Variants in FIBP observed in about 807,000 individuals in gnomAD.
The protein encoded by FIBP is acidic fibroblast growth factor intracellular-binding protein.
In FIBP, 29 loss-of-function variants were observed where a neutral mutation model predicts 40.5. That is an observed-to-expected ratio of 0.72 (90% CI 0.53 to 0.98). The LOEUF is 0.98. FIBP is among the 50% of genes least tolerant of loss of function. The pLI is 0.00. For missense variants in FIBP, 411 were observed against 470.2 expected (o/e 0.87, Z 1.16); for synonymous variants, 215 against 191.1 (o/e 1.13, Z -1.03).
At chr11:65,888,268 C>T (rs1860297945) in intron 1 of FIBP, 66 bp downstream of exon 1, 24 of 1,501,264 alleles carry the variant, frequency 1.6e-5, no homozygotes, top group Non-Finnish European at 2.2e-5. Context: ...AAGTCTTAGC[C>T]CCGCCCCCTC....
intron 4 of FIBP, chr11:65,886,083 C>T: frequency 2.1e-6 from 1 of 483,990 alleles, no homozygotes; most frequent in South Asian, 2.6e-5. Context: ...GGCAGAATTG[C>T]TTGAACCAGG....
intron 5 of FIBP, 34 bp from the exon 6 acceptor site, chr11:65,885,220 TA>T: frequency 9.5e-7 from 1 of 1,050,754 alleles, no homozygotes; most frequent in Non-Finnish European, 1.5e-6. Context: ...GGGTGGGTGA[TA>T]AAAACCCCTC....
At chr11:65,888,179 G>T in intron 1 of FIBP, 47 bp from the exon 2 acceptor site, 1 of 1,517,592 alleles carries the variant, frequency 6.6e-7, no homozygotes, top group South Asian at 1.2e-5. Context: ...CGACGCCAGA[G>T]GCCCTTAAGG....
chr11:65,886,981 C>T (rs1031110773), intron 3 of FIBP: 1 of 174,184 alleles, frequency 5.7e-6, no homozygotes, highest in African/African-American at 2.4e-5. Flanking sequence ...GAAATGTAAG[C>T]CTAGAGAGGT....
chr11:65,887,412 C>G, intron 3 of FIBP, 188 bp downstream of exon 3: 1 of 663,450 alleles, frequency 1.5e-6, no homozygotes, highest in Non-Finnish European at 2.6e-6. Context: ...CGCCACTGCA[C>G]TCCAGCTTGG....
intron 5 of FIBP, 21 bp from the exon 6 acceptor site, chr11:65,885,207 T>TGGGGG: frequency 1.0e-5 from 3 of 290,954 alleles, no homozygotes; most frequent in Non-Finnish European, 2.0e-5. Context: ...ATGAAGGGGG[T>TGGGGG]GGGGGTGGGT....
chr11:65,885,004 G>T lies in FIBP; in HGVS notation c.756-6C>A, dbSNP rs1860196297. On this transcript the variant is annotated splice_region_variant and splice_polypyrimidine_tract_variant and intron_variant, in intron 6 of 9. Coordinates refer to ENST00000357519, the MANE Select transcript of FIBP (RefSeq NM_004214.5). ...GGAGAGCAGTGCACACCAGGCTGCA[G>T]AGAGACAGGGTCACGCCTATAGCCA... 6.2e-7 allele frequency: 1 copy of T among 1,614,174 alleles called. No homozygotes were observed. The highest frequency in any genetic ancestry group is 8.5e-7 in the Non-Finnish European group (1 of 1,180,020).
intron 4 of FIBP, chr11:65,885,930 A>G (rs1001548379): frequency 1.0e-5 from 5 of 478,998 alleles, no homozygotes; most frequent in East Asian, 6.9e-5. Flanking sequence ...GGGCTGTGCC[A>G]TGGGCTTTAC....
At position 65,884,494 on chromosome 11, in the gene FIBP, G is replaced by A. The variant is rs548208317; in HGVS notation, c.907-5C>T. The A allele has an allele frequency of 9.3e-6, 15 of 1,614,120 alleles. No homozygotes were observed. The highest frequency in any genetic ancestry group is 2.7e-5 in the African/African-American group (2 of 75,030). Reference sequence around the variant, plus strand: ...GGAGCGGCAGGGTTCCACAAACTGCGGGCCCAAGAGAATACTTAGCACTTG... The same window carrying A: ...GGAGCGGCAGGGTTCCACAAACTGCAGGCCCAAGAGAATACTTAGCACTTG... On this transcript the variant is annotated splice_region_variant and splice_polypyrimidine_tract_variant and intron_variant, in intron 8 of 9. Coordinates refer to ENST00000357519, the MANE Select transcript of FIBP (RefSeq NM_004214.5).
rs537729979 is a variant in FIBP at position 65,885,763 on chromosome 11, C to G, written c.513-100G>C. ...GCTGGGTGTCCGAGTTCTGGCCTCT[C>G]TCTGCCTCAAGTCACTGTGTGACGT... is the stretch of plus-strand genomic sequence containing the variant. On this transcript the variant is annotated intron_variant, in intron 4 of 9. Coordinates refer to ENST00000357519, the MANE Select transcript of FIBP (RefSeq NM_004214.5). The G allele has an allele frequency of 1.0e-5, 12 of 1,201,500 alleles. No individual in the cohort carries two copies. The East Asian group carries it at 2.3e-4, about 23-fold the overall frequency. The allele number at this position is 1,201,500 out of a possible 1,614,324, so 74.4% of individuals were successfully genotyped here.
chr11:65,884,034 G>A lies in FIBP; in HGVS notation c.1014C>T (p.Ala338=). 1 of 1,613,606 alleles carries A rather than the reference G, an allele frequency of 6.2e-7. No homozygotes were observed. Among genetic ancestry groups the A allele is most frequent in the East Asian group, 2.2e-5 (1 of 44,886 alleles). The change falls in exon 10 of 10, where the codon GCC becomes GCT. Residue 338 remains alanine (A), a synonymous_variant. Coordinates refer to ENST00000357519, the MANE Select transcript of FIBP (RefSeq NM_004214.5). ...VHSLDGFRHQ[A]LWDRYMGTLR... is the part of the protein sequence containing the mutation. ...GGGTGCCCATGTAGCGGTCCCAGAG[G>A]GCCTGGTGTCTGTAAGAACATGAAC...
At chr11:65,887,853 C>T (rs1325589431) in intron 2 of FIBP, 81 bp downstream of exon 2, 2 of 1,585,304 alleles carry the variant, frequency 1.3e-6, no homozygotes, top group Middle Eastern at 1.7e-4. Context: ...AAATCCCATC[C>T]CTCCCTGGGC....
At position 65,885,201 on chromosome 11, in the gene FIBP, AGGGGGT is replaced by A; in HGVS notation, c.647-21_647-16del. The stretch of plus-strand genomic sequence containing the variant: ...CATCTGTGAGTCTGTGAGGCCATGA[AGGGGGT>A]GGGGGTGGGTGATAAAAACCCCTCC... On this transcript the variant is annotated splice_polypyrimidine_tract_variant and intron_variant, in intron 5 of 9. Coordinates refer to ENST00000357519, the MANE Select transcript of FIBP (RefSeq NM_004214.5). 4 of 236,332 alleles carry A rather than the reference AGGGGGT, an allele frequency of 1.7e-5. No homozygotes were observed. Among genetic ancestry groups the A allele is most frequent in the South Asian group, 2.8e-5 (1 of 35,106 alleles). The allele number at this position is 236,332 out of a possible 1,614,324, so 14.6% of individuals were successfully genotyped here.
rs1565279521 is a variant in FIBP at position 65,883,750 on chromosome 11, G to A, written c.*224C>T. On this transcript the variant is annotated 3_prime_UTR_variant, in exon 10 of 10. Coordinates refer to ENST00000357519, the MANE Select transcript of FIBP (RefSeq NM_004214.5). Reference sequence around the variant, plus strand: ...CCAAGACAAGACCTCTGGCTTGTGAGCAGACTCTTCTGGTGGATGGGCTGA... The same window carrying A: ...CCAAGACAAGACCTCTGGCTTGTGAACAGACTCTTCTGGTGGATGGGCTGA... 2 of 858,928 alleles carry A rather than the reference G, an allele frequency of 2.3e-6. No homozygotes were observed. The highest frequency in any genetic ancestry group is 3.7e-6 in the Non-Finnish European group (2 of 541,516). The allele number at this position is 858,928 out of a possible 1,614,324, so 53.2% of individuals were successfully genotyped here.
At chr11:65,886,992 C>A in intron 3 of FIBP, 1 of 182,126 alleles carries the variant, frequency 5.5e-6, no homozygotes, top group South Asian at 1.0e-4. Context: ...CTAGAGAGGT[C>A]TGCAGGGATG....
intron 7 of FIBP, 80 bp from the exon 8 acceptor site, chr11:65,884,736 C>A (rs1383902987): frequency 1.2e-5 from 18 of 1,441,950 alleles, no homozygotes; most frequent in Admixed American, 1.7e-5. Flanking sequence ...GGAGGAGGAG[C>A]AGGCCCCTCC....
intron 2 of FIBP, 28 bp downstream of exon 2, chr11:65,887,906 T>A (rs1384486940): frequency 6.2e-7 from 1 of 1,606,892 alleles, no homozygotes; most frequent in South Asian, 1.1e-5. Context: ...GACTGGTTGA[T>A]GTCTCCACCA....
At position 65,886,431 on chromosome 11, in the gene FIBP, C is replaced by A; in HGVS notation, c.412-9G>T. 1 of 1,598,342 alleles carries A rather than the reference C, an allele frequency of 6.3e-7. No homozygotes were observed. The highest frequency in any genetic ancestry group is 8.6e-7 in the Non-Finnish European group (1 of 1,165,718). On this transcript the variant is annotated splice_polypyrimidine_tract_variant and intron_variant, in intron 3 of 9. Transcript: ENST00000357519. ...CGTTTAAAGTTGTCAAACTGCAGGGCAGTTAGGGTAGAAGAGAGGACTGGT... is the reference window on the plus strand; with the variant it reads ...CGTTTAAAGTTGTCAAACTGCAGGGAAGTTAGGGTAGAAGAGAGGACTGGT...
intron 3 of FIBP, chr11:65,887,117 G>T: frequency 4.4e-6 from 1 of 226,818 alleles, no homozygotes; most frequent in Admixed American, 5.2e-5. Context: ...CATTCTGAAA[G>T]GTCACTCTGG....
Sources: gnomAD v4.1 joint callset for allele counts on GRCh38, gnomAD v4.1.1 for gene constraint, MANE v1.5 for transcripts, NCBI Gene and HGNC (gene_info 2026-07-23, HGNC 2026-07-21) for gene names.